Variants in RAPH1 observed in about 807,000 individuals in gnomAD.
RAPH1 encodes the protein ras-associated and pleckstrin homology domains-containing protein 1.
A neutral mutation model predicts 88.1 loss-of-function variants in RAPH1; 18 were observed. The ratio of observed to expected loss-of-function variants is 0.20; its 90% CI spans 0.14 to 0.30. The LOEUF (loss-of-function observed/expected upper bound fraction) is 0.30, where lower values mean the gene tolerates loss of function less well. Ranked by LOEUF, RAPH1 falls within the 10% of genes least tolerant of loss-of-function variation. The pLI is 1.00. For missense variants in RAPH1, 1,448 were observed against 1,543.2 expected, an observed-to-expected ratio of 0.94 and a Z score of 1.03; for synonymous variants, 587 against 559.0, an observed-to-expected ratio of 1.05 and a Z score of -0.71.
At chr2:203,506,783 G>GATATATCTATCT (rs1689045431) in intron 1 of RAPH1, among the ~76,000 whole-genome samples, 1 of 38,352 alleles carries the variant, frequency 2.6e-5, no homozygotes, top group African/African-American at 1.2e-4. Flanking sequence ...TATATATCTA[G>GATATATCTATCT]ATATATATAT....
intron 4 of RAPH1, among the ~76,000 whole-genome samples, chr2:203,478,118 C>A (rs951026237): frequency 1.3e-5 from 2 of 151,668 alleles, no homozygotes; most frequent in African/African-American, 4.8e-5. Flanking sequence ...ATTGCAAGCT[C>A]CACCTCCTGG....
intron 13 of RAPH1, chr2:203,443,332 G>A (rs1177654140): frequency 6.6e-6 from 1 of 152,118 alleles, no homozygotes; most frequent in Non-Finnish European, 1.5e-5. Context: ...GGTGCCACTG[G>A]TTCCTCAATG....
chr2:203,478,074 C>T (rs1444112612), intron 4 of RAPH1, among the ~76,000 whole-genome samples: 1 of 151,672 alleles, frequency 6.6e-6, no homozygotes, highest in Non-Finnish European at 1.5e-5. Context: ...GCTCAGTCGC[C>T]CAGGCTGGAG....
intron 1 of RAPH1, among the ~76,000 whole-genome samples, chr2:203,516,450 T>C (rs964780975): frequency 3.3e-5 from 5 of 152,240 alleles, no homozygotes; most frequent in Admixed American, 2.0e-4. Flanking sequence ...AATGTATCAA[T>C]TGAAAGAGAT....
Position 203,440,736 on chromosome 2 carries a change from A to T in RAPH1, c.2454T>A (p.Ala818=). 1 of 1,608,012 alleles carries T rather than the reference A, an allele frequency of 6.2e-7. No homozygotes were observed. ...PPVPPAKKQP[A]FPASYIPPSP... ...AGGGTGGAATGTAAGAAGCAGGGAA[A>T]GCTGGCTGCTTTTTTGCTGGGGGCA... The change falls in exon 14 of 14, where the codon GCT becomes GCA. Residue 818 remains alanine, a synonymous_variant. Transcript: ENST00000319170.
At chr2:203,447,030 G>C (rs2098510399) in intron 12 of RAPH1, 1 of 152,124 alleles carries the variant, frequency 6.6e-6, no homozygotes, top group Non-Finnish European at 1.5e-5. Context: ...GGCATTACAG[G>C]CGTCAGCCAC....
intron 2 of RAPH1, among the ~76,000 whole-genome samples, chr2:203,494,750 G>C (rs1189091190): frequency 6.6e-6 from 1 of 150,542 alleles, no homozygotes; most frequent in Non-Finnish European, 1.5e-5. Context: ...CGGAGCTTGC[G>C]GTGAGCCAAG....
chr2:203,520,063 C>T (rs556087825), intron 1 of RAPH1, among the ~76,000 whole-genome samples: 1 of 152,280 alleles, frequency 6.6e-6, no homozygotes, highest in East Asian at 1.9e-4. Context: ...CACAGTGGCT[C>T]ACACCTGTAA....
chr2:203,506,770 CTA>C (rs1223111977), intron 1 of RAPH1, among the ~76,000 whole-genome samples: 11 of 99,046 alleles, frequency 1.1e-4, no homozygotes, highest in South Asian at 2.9e-4. Flanking sequence ...ATATATATAT[CTA>C]TATATATCTA....
At chr2:203,506,796 ATATATATATCTATATC>A (rs1559494394) in intron 1 of RAPH1, among the ~76,000 whole-genome samples, 2 of 118,546 alleles carry the variant, frequency 1.7e-5, no homozygotes, top group African/African-American at 3.8e-5. Flanking sequence ...ATATATATCT[ATATATATATCTATATC>A]TATATATCTA....
intron 1 of RAPH1, among the ~76,000 whole-genome samples, chr2:203,525,225 G>T (rs1055773782): frequency 2.0e-5 from 3 of 152,064 alleles, no homozygotes; most frequent in African/African-American, 7.2e-5. Context: ...TCGCTCTGTC[G>T]CCCAGGCTGG....
At chr2:203,513,645 G>C (rs1689462824) in intron 1 of RAPH1, among the ~76,000 whole-genome samples, 1 of 150,726 alleles carries the variant, frequency 6.6e-6, no homozygotes, top group East Asian at 2.0e-4. Context: ...AGACCAGCTG[G>C]CCAACATGGT....
Position 203,435,477 on chromosome 2 carries a change from G to A in RAPH1, c.*3960C>T, listed in dbSNP as rs114678102. 1.7e-3 allele frequency: 253 copies of A among 151,672 alleles called. 3 individuals carry two copies. Among genetic ancestry groups the A allele is most frequent in the African/African-American group, 5.9e-3 (243 of 41,254 alleles). The allele number at this position is 151,672 out of a possible 1,614,324, so 9.4% of individuals were successfully genotyped here. A position where few individuals can be genotyped will look rare whatever the true frequency, so the allele number is the denominator to read the frequency against. ...GTGAGAGGTCATACATTTCTACAGG[G>A]TTAGGAGTACCCTGCATAATTTATA... On this transcript the variant is annotated 3_prime_UTR_variant, in exon 14 of 14. Transcript: ENST00000319170.
intron 1 of RAPH1, among the ~76,000 whole-genome samples, chr2:203,515,776 C>A (rs544933360): frequency 2.6e-5 from 4 of 152,270 alleles, no homozygotes; most frequent in African/African-American, 4.8e-5. Flanking sequence ...CTGTACCTGG[C>A]AAAATCACCC....
chr2:203,515,520 T>C (rs1308055927), intron 1 of RAPH1, among the ~76,000 whole-genome samples: 1 of 152,216 alleles, frequency 6.6e-6, no homozygotes, highest in Non-Finnish European at 1.5e-5. Context: ...AGCTGGTGTC[T>C]TTTATTGTAT....
chr2:203,523,368 G>T (rs2105975973), intron 1 of RAPH1, among the ~76,000 whole-genome samples: 1 of 151,202 alleles, frequency 6.6e-6, no homozygotes, highest in East Asian at 2.0e-4. Context: ...ACTCTGGCCT[G>T]GGTGAAAGAG....
chr2:203,504,953 C>T (rs1688913637), intron 1 of RAPH1, among the ~76,000 whole-genome samples: 1 of 152,160 alleles, frequency 6.6e-6, no homozygotes, highest in Non-Finnish European at 1.5e-5. Flanking sequence ...TCCTCATCTC[C>T]ATCTGAGACC....
At chr2:203,487,827 A>C (rs1408657340) in intron 4 of RAPH1, among the ~76,000 whole-genome samples, 1 of 152,190 alleles carries the variant, frequency 6.6e-6, no homozygotes, top group South Asian at 2.1e-4. Flanking sequence ...ACCATGATTC[A>C]TACTCCTTTT....
At chr2:203,512,876 G>A (rs1210343048) in intron 1 of RAPH1, among the ~76,000 whole-genome samples, 1 of 151,852 alleles carries the variant, frequency 6.6e-6, no homozygotes, top group East Asian at 1.9e-4. Flanking sequence ...CGCCCACCTT[G>A]GTCTCCCAAA....
Sources: allele counts gnomAD v4.1 joint callset (sites outside exome capture counted in the v4.1 genomes callset), GRCh38; gene constraint gnomAD v4.1.1; transcripts MANE v1.5; gene names NCBI Gene and HGNC (gene_info 2026-07-23, HGNC 2026-07-21).